RERE: variants seen among roughly 807,000 people sequenced by gnomAD.
RERE encodes arginine-glutamic acid dipeptide repeats protein.
A neutral mutation model predicts 146.1 loss-of-function variants in RERE; 40 were observed. That is an observed-to-expected ratio of 0.27 (90% CI 0.21 to 0.36). The LOEUF is 0.36. RERE is among the 10% of genes least tolerant of loss of function. The pLI is 1.00. For missense variants in RERE, 1,933 were observed against 2,138.7 expected (o/e 0.90, Z 1.90); for synonymous variants, 1,003 against 866.0 (o/e 1.16, Z -2.78).
intron 1 of RERE, among the ~76,000 whole-genome samples, chr1:8,803,891 T>G (rs913486289): frequency 6.6e-6 from 1 of 152,098 alleles, no homozygotes; most frequent in Non-Finnish European, 1.5e-5. Context: ...TCAAAAGTGT[T>G]TAAGGATTCC....
chr1:8,789,301 A>AAAAAAAAAAAAAAAAAAAATATATATAT, intron 1 of RERE, among the ~76,000 whole-genome samples: 6 of 24,814 alleles, frequency 2.4e-4, no homozygotes, highest in Non-Finnish European at 3.2e-4. Flanking sequence ...AAAAAAAAAA[A>AAAAAAAAAAAAAAAAAAAATATATATAT]ATATATATAT....
rs1040617150 is a variant in RERE at position 8,356,015 on chromosome 1, A to G, written c.4486+85T>C. ...CACCTGCTCAATGCATGAATGAATG[A>G]ATGAGTAATGAATGAAGACAGCAGA... On this transcript the variant is annotated intron_variant, in intron 21 of 22. Coordinates refer to ENST00000400908, the MANE Select transcript of RERE (RefSeq NM_001042681.2). The surrounding 1 kb of genome is among the most constrained non-coding windows in gnomAD (Gnocchi z 5.2). The G allele has an allele frequency of 9.0e-5, 123 of 1,363,768 alleles. No homozygotes were observed. Among genetic ancestry groups the G allele is most frequent in the Non-Finnish European group, 1.2e-4 (120 of 1,028,266 alleles). The allele number at this position is 1,363,768 out of a possible 1,614,324, so 84.5% of individuals were successfully genotyped here.
At chr1:8,529,340 A>G (rs2124361963) in intron 7 of RERE, among the ~76,000 whole-genome samples, 1 of 132,508 alleles carries the variant, frequency 7.5e-6, no homozygotes, top group African/African-American at 3.0e-5. Context: ...CACAGGCTGG[A>G]GTGCAGTGGT....
chr1:8,448,511 T>C (rs551703336), intron 11 of RERE, among the ~76,000 whole-genome samples: 10 of 151,838 alleles, frequency 6.6e-5, no homozygotes, highest in Admixed American at 2.6e-4. Context: ...GTAATCCCAG[T>C]ACTTTGGGAG....
At chr1:8,361,582 G>A (rs2124369852) in intron 17 of RERE, 92 bp from the exon 18 acceptor site, 1 of 1,507,130 alleles carries the variant, frequency 6.6e-7, no homozygotes, top group Middle Eastern at 1.7e-4. Context: ...TAATGTTTGT[G>A]CAGATGAAGC....
At chr1:8,475,216 A>G (rs1179605749) in intron 10 of RERE, among the ~76,000 whole-genome samples, 1 of 151,384 alleles carries the variant, frequency 6.6e-6, no homozygotes, top group Non-Finnish European at 1.5e-5. Flanking sequence ...TCTACCAAAA[A>G]CACAAAAATT....
chr1:8,472,915 T>C (rs2124154072), intron 10 of RERE, among the ~76,000 whole-genome samples: 1 of 152,064 alleles, frequency 6.6e-6, no homozygotes, highest in South Asian at 2.1e-4. Context: ...TCTTTCCGCC[T>C]CTTTTCCACA....
rs539479571 is a variant in RERE, at chr1:8,376,838, TC to T, written c.1285-10865del. On this transcript the variant is annotated intron_variant, in intron 12 of 22. Coordinates refer to ENST00000400908, the MANE Select transcript of RERE (RefSeq NM_001042681.2). Reference sequence around the variant, plus strand: ...AGAAGTATCTATTTAAATCAGTGGTTCTGAACTGCGGCTCAAAACCGTACAG... The same window carrying T: ...AGAAGTATCTATTTAAATCAGTGGTTTGAACTGCGGCTCAAAACCGTACAG... Among the ~76,000 whole-genome samples the T allele has an allele frequency of 3.8e-4, 58 of 152,360 alleles. No individual in the cohort carries two copies. In the South Asian group the frequency reaches 0.012, roughly 30 times the overall value.
At chr1:8,719,689 G>C (rs1197238777) in intron 1 of RERE, among the ~76,000 whole-genome samples, 1 of 152,054 alleles carries the variant, frequency 6.6e-6, no homozygotes, top group Non-Finnish European at 1.5e-5. Flanking sequence ...CATTTTCTCT[G>C]GACAAGCGAA....
chr1:8,422,590 C>T, intron 12 of RERE, 137 bp downstream of exon 12: 3 of 622,102 alleles, frequency 4.8e-6, no homozygotes, highest in South Asian at 3.9e-5. Context: ...GGGAGTAAAA[C>T]GGAGAGAATT....
chr1:8,467,872 T>C (rs2124134053), intron 10 of RERE, among the ~76,000 whole-genome samples: 1 of 152,264 alleles, frequency 6.6e-6, no homozygotes, highest in Admixed American at 6.5e-5. Flanking sequence ...TCTCGATCTC[T>C]TGACCTCGTG....
intron 1 of RERE, among the ~76,000 whole-genome samples, chr1:8,695,037 G>T (rs1278200848): frequency 2.7e-5 from 4 of 146,376 alleles, no homozygotes; most frequent in African/African-American, 1.0e-4. Context: ...TAAGGCTACG[G>T]TAATCAAAAC....
At chr1:8,711,840 T>C (rs1364645690) in intron 1 of RERE, among the ~76,000 whole-genome samples, 1 of 152,218 alleles carries the variant, frequency 6.6e-6, no homozygotes, top group Non-Finnish European at 1.5e-5. Flanking sequence ...CTTATTAAAA[T>C]AATGTACACA....
At chr1:8,703,695 C>T (rs982026587) in intron 1 of RERE, among the ~76,000 whole-genome samples, 2 of 152,196 alleles carry the variant, frequency 1.3e-5, no homozygotes, top group African/African-American at 2.4e-5. Flanking sequence ...AAAGAGGCAG[C>T]GCATCCCTGT....
At chr1:8,748,024 C>G (rs551894269) in intron 1 of RERE, among the ~76,000 whole-genome samples, 1 of 152,232 alleles carries the variant, frequency 6.6e-6, no homozygotes, top group South Asian at 2.1e-4. Flanking sequence ...GTGATCCGCC[C>G]ACCTCAGCCT....
chr1:8,766,804 A>G (rs918957378), intron 1 of RERE, among the ~76,000 whole-genome samples: 2 of 152,170 alleles, frequency 1.3e-5, no homozygotes, highest in African/African-American at 4.8e-5. Context: ...ATTTAATTAT[A>G]TTTACAAAAG....
At chr1:8,815,713 C>G (rs1461508613) in intron 1 of RERE, among the ~76,000 whole-genome samples, 1 of 152,144 alleles carries the variant, frequency 6.6e-6, no homozygotes, top group Non-Finnish European at 1.5e-5. Context: ...TCCCTTCCCC[C>G]ATCTTCTCTC....
chr1:8,674,773 G>A (rs1638797118), intron 1 of RERE, among the ~76,000 whole-genome samples: 1 of 152,148 alleles, frequency 6.6e-6, no homozygotes, highest in African/African-American at 2.4e-5. Context: ...TACAAGCAAA[G>A]TAATCATTTC....
intron 12 of RERE, among the ~76,000 whole-genome samples, chr1:8,389,580 C>T (rs1045089484): frequency 6.6e-6 from 1 of 152,138 alleles, no homozygotes; most frequent in Non-Finnish European, 1.5e-5. Context: ...GCAAGACCCC[C>T]CTACCGCCAC....
Sources: allele counts gnomAD v4.1 joint callset (sites outside exome capture counted in the v4.1 genomes callset), GRCh38; gene constraint gnomAD v4.1.1; non-coding constraint Gnocchi (gnomAD v3.1); transcripts MANE v1.5; gene names NCBI Gene and HGNC (gene_info 2026-07-23, HGNC 2026-07-21).